Variants in WWOX observed in about 807,000 individuals in gnomAD.
WWOX encodes the protein WW domain containing oxidoreductase, also known as WW domain-containing oxidoreductase.
WWOX carries 69 observed loss-of-function variants against 46.2 expected under a neutral mutation model. The ratio of observed to expected loss-of-function variants is 1.49; its 90% CI spans 1.23 to 1.82. The LOEUF is 1.82. Ranked by LOEUF, WWOX falls within the 40% of genes most tolerant of loss-of-function variation. WWOX has a pLI of 0.00. For missense variants in WWOX, 919 were observed against 542.6 expected (o/e 1.69, Z -6.89); for synonymous variants, 359 against 202.6 (o/e 1.77, Z -6.56).
chr16:78,383,568 C>T (rs992518627), intron 5 of WWOX, among the ~76,000 whole-genome samples: 1 of 152,130 alleles, frequency 6.6e-6, no homozygotes, highest in East Asian at 1.9e-4. Context: ...ATCTGTCAGC[C>T]ACTACCTTCT....
chr16:79,071,378 A>G (rs968447534), intron 8 of WWOX, among the ~76,000 whole-genome samples: 1 of 152,216 alleles, frequency 6.6e-6, no homozygotes, highest in African/African-American at 2.4e-5. Flanking sequence ...CAACCATTTG[A>G]GAGGGTGTGA....
intron 5 of WWOX, among the ~76,000 whole-genome samples, chr16:78,325,774 G>A (rs1231574310): frequency 1.3e-5 from 2 of 152,236 alleles, no homozygotes; most frequent in East Asian, 1.9e-4. Context: ...AAGGAAGCAA[G>A]TCCGTTGCCC....
intron 8 of WWOX, among the ~76,000 whole-genome samples, chr16:78,568,508 C>T (rs1026251299): frequency 1.4e-5 from 2 of 143,394 alleles, no homozygotes; most frequent in Admixed American, 7.0e-5. Context: ...TGGAGTCGCA[C>T]TCTTTCACCC....
At chr16:79,037,260 C>G (rs1699102296) in intron 8 of WWOX, among the ~76,000 whole-genome samples, 1 of 152,174 alleles carries the variant, frequency 6.6e-6, no homozygotes, top group South Asian at 2.1e-4. Context: ...GCTCCTGACT[C>G]TGGGGGATGC....
chr16:78,395,756 TTC>T (rs967417827), intron 6 of WWOX, among the ~76,000 whole-genome samples: 4 of 70,768 alleles, frequency 5.7e-5, no homozygotes, highest in African/African-American at 4.4e-4. Flanking sequence ...GTTTTGTTTT[TTC>T]TTTTTCTTTT....
At chr16:78,687,180 A>G (rs558466037) in intron 8 of WWOX, among the ~76,000 whole-genome samples, 1 of 152,332 alleles carries the variant, frequency 6.6e-6, no homozygotes, top group South Asian at 2.1e-4. Context: ...TACACTGTTC[A>G]ACACAGTTCT....
chr16:79,009,832 C>G (rs750033429), intron 8 of WWOX, among the ~76,000 whole-genome samples: 2 of 152,114 alleles, frequency 1.3e-5, no homozygotes, highest in South Asian at 2.1e-4. Context: ...AAGACTGTAC[C>G]TATCATGGGG....
At chr16:78,375,514 A>T (rs2081798497) in intron 5 of WWOX, among the ~76,000 whole-genome samples, 3 of 152,368 alleles carry the variant, frequency 2.0e-5, no homozygotes, top group South Asian at 2.1e-4. Flanking sequence ...GGTATTAGAG[A>T]CACAGATATG....
At chr16:78,542,779 T>C (rs1365380918) in intron 8 of WWOX, among the ~76,000 whole-genome samples, 2 of 152,216 alleles carry the variant, frequency 1.3e-5, no homozygotes, top group African/African-American at 4.8e-5. Context: ...GTGAAGGTAA[T>C]AAGCTCCAAG....
intron 8 of WWOX, among the ~76,000 whole-genome samples, chr16:78,670,127 G>A (rs1028487384): frequency 5.9e-5 from 9 of 151,308 alleles, no homozygotes; most frequent in South Asian, 2.1e-4. Flanking sequence ...GCTTCTCTGC[G>A]TCAGTAGAGG....
At chr16:78,389,709 T>A (rs2151936296) in intron 6 of WWOX, among the ~76,000 whole-genome samples, 1 of 152,178 alleles carries the variant, frequency 6.6e-6, no homozygotes, top group African/African-American at 2.4e-5. Context: ...TCTTCACGGC[T>A]CCAACTTGAC....
chr16:78,786,014 C>T (rs1003050714), intron 8 of WWOX, among the ~76,000 whole-genome samples: 1 of 152,208 alleles, frequency 6.6e-6, no homozygotes, highest in Non-Finnish European at 1.5e-5. Flanking sequence ...TCAAGCGATT[C>T]TCATGGCTTA....
intron 8 of WWOX, among the ~76,000 whole-genome samples, chr16:78,736,177 G>C (rs751142281): frequency 2.0e-5 from 3 of 152,200 alleles, no homozygotes; most frequent in African/African-American, 7.2e-5. Flanking sequence ...ATGAAGTCTG[G>C]CTTCAGGTTT....
At chr16:78,590,286 C>G (rs1377642742) in intron 8 of WWOX, among the ~76,000 whole-genome samples, 1 of 152,104 alleles carries the variant, frequency 6.6e-6, no homozygotes, top group Admixed American at 6.6e-5. Context: ...TGCTTTCTAT[C>G]CTTCAAAAAG....
intron 8 of WWOX, among the ~76,000 whole-genome samples, chr16:78,765,225 C>T (rs374322280): frequency 1.4e-4 from 21 of 152,274 alleles, no homozygotes; most frequent in East Asian, 7.7e-4. Flanking sequence ...GGATCCAGCA[C>T]GAGCAAAGGC....
intron 8 of WWOX, among the ~76,000 whole-genome samples, chr16:78,474,655 G>C (rs906874168): frequency 3.7e-4 from 57 of 152,248 alleles, no homozygotes; most frequent in African/African-American, 1.4e-3. Flanking sequence ...TCTATTCAGA[G>C]TTGTGCAACC....
At chr16:78,819,423 A>C (rs2051432064) in intron 8 of WWOX, among the ~76,000 whole-genome samples, 1 of 152,250 alleles carries the variant, frequency 6.6e-6, no homozygotes, top group Non-Finnish European at 1.5e-5. Flanking sequence ...CCTAGAAGTT[A>C]CTGCCCCTTT....
At chr16:78,403,373 A>G (rs1185881493) in intron 6 of WWOX, among the ~76,000 whole-genome samples, 1 of 152,222 alleles carries the variant, frequency 6.6e-6, no homozygotes, top group Admixed American at 6.5e-5. Context: ...TTATTAAAAA[A>G]TTAATGTTCC....
At chr16:78,543,259 C>G (rs564288302) in intron 8 of WWOX, among the ~76,000 whole-genome samples, 5 of 152,282 alleles carry the variant, frequency 3.3e-5, no homozygotes, top group South Asian at 2.1e-4. Flanking sequence ...TGAAGTGTCA[C>G]GAGTCGTTTC....
Sources: allele counts gnomAD v4.1 joint callset (sites outside exome capture counted in the v4.1 genomes callset), GRCh38; gene constraint gnomAD v4.1.1; transcripts MANE v1.5; gene names NCBI Gene and HGNC (gene_info 2026-07-23, HGNC 2026-07-21).